CASZ1: variants seen among roughly 807,000 people sequenced by gnomAD.
CASZ1 encodes the protein zinc finger protein castor homolog 1.
A neutral mutation model predicts 135.2 loss-of-function variants in CASZ1; 28 were observed. The observed-to-expected ratio is 0.21, with a 90% CI of 0.15 to 0.28. The LOEUF is 0.28. Among genes scored for constraint, CASZ1 ranks in the 10% least tolerant of loss-of-function variants. The pLI, the probability that CASZ1 is intolerant of heterozygous loss-of-function variation, is 1.00. For synonymous variants in CASZ1, 1,068 were observed against 1,073.4 expected (o/e 0.99, Z 0.10); for missense variants, 2,161 against 2,453.3 (o/e 0.88, Z 2.52).
intron 2 of CASZ1, among the ~76,000 whole-genome samples, chr1:10,748,790 A>G (rs1454236416): frequency 1.2e-4 from 18 of 152,178 alleles, no homozygotes. Flanking sequence ...AGTGTCTCCA[A>G]TTCCCAGCCA....
At chr1:10,712,769 C>T (rs183946967) in intron 2 of CASZ1, among the ~76,000 whole-genome samples, 2 of 152,352 alleles carry the variant, frequency 1.3e-5, no homozygotes, top group East Asian at 1.9e-4. Context: ...CTGCCGTTCC[C>T]GGCACACACA....
intron 2 of CASZ1, among the ~76,000 whole-genome samples, chr1:10,731,948 T>C (rs1358746280): frequency 1.3e-5 from 2 of 152,224 alleles, no homozygotes; most frequent in East Asian, 1.9e-4. Context: ...GACTTATTGC[T>C]GTTATTTTTT....
chr1:10,776,643 C>G lies in CASZ1; in HGVS notation c.-233-15786G>C, dbSNP rs1640665965. On this transcript the variant is annotated intron_variant, in intron 1 of 20. Transcript: ENST00000377022. The surrounding 1 kb of genome is among the most constrained non-coding windows in gnomAD (Gnocchi z 4.1). ...TGGTACCAGCTAGGGGCGGGAGCTC[C>G]TGGGAGTCCTGGGGAAACTGGCATC... Among the ~76,000 whole-genome samples the G allele has an allele frequency of 6.6e-6, 1 of 152,186 alleles. No individual in the cohort carries two copies. The highest frequency in any genetic ancestry group is 1.5e-5 in the Non-Finnish European group (1 of 68,026).
At chr1:10,662,129 G>A (rs982873748) in intron 5 of CASZ1, among the ~76,000 whole-genome samples, 1 of 148,288 alleles carries the variant, frequency 6.7e-6, no homozygotes, top group Non-Finnish European at 1.5e-5. Context: ...ACGCACACAT[G>A]CATTCGCATA....
At chr1:10,745,043 C>A (rs1292384025) in intron 2 of CASZ1, among the ~76,000 whole-genome samples, 1 of 152,160 alleles carries the variant, frequency 6.6e-6, no homozygotes, top group Non-Finnish European at 1.5e-5. Flanking sequence ...GCAATCAAAG[C>A]CCAGTATGAC....
In CASZ1 at chr1:10,646,096, T is replaced by A. The variant is rs1642355600; in HGVS notation, c.3696+32A>T. The stretch of plus-strand genomic sequence containing the variant: ...AGCCCTGCACCTCCCTGCCCCCTAC[T>A]CTGCCCCTGCGCCGTGTACCGCCAT... On this transcript the variant is annotated intron_variant, in intron 17 of 20. Transcript: ENST00000377022. This position sits in a 1 kb window ranked among gnomAD's most constrained non-coding sequence, Gnocchi z 6.4. 1.8e-5 allele frequency: 29 copies of A among 1,609,276 alleles called. No homozygotes were observed. The highest frequency in any genetic ancestry group is 2.4e-5 in the Non-Finnish European group (28 of 1,176,504).
chr1:10,788,842 G>A lies in CASZ1; in HGVS notation c.-234+7722C>T, dbSNP rs954036301. ...CAGGGCTTCCTGCCCAGCCAGCAGA[G>A]GCATCGCACAGAGGAGCCCACCAGT... is the stretch of plus-strand genomic sequence containing the variant. On this transcript the variant is annotated intron_variant, in intron 1 of 20. Transcript: ENST00000377022. The surrounding 1 kb of genome is among the most constrained non-coding windows in gnomAD (Gnocchi z 4.1). Among the ~76,000 whole-genome samples, 1 of 152,206 alleles carries A rather than the reference G, an allele frequency of 6.6e-6. No individual in the cohort carries two copies. Among genetic ancestry groups the A allele is most frequent in the African/African-American group, 2.4e-5 (1 of 41,452 alleles).
intron 1 of CASZ1, among the ~76,000 whole-genome samples, chr1:10,780,646 G>A (rs1282777430): frequency 2.6e-5 from 4 of 152,194 alleles, no homozygotes; most frequent in African/African-American, 9.7e-5. Flanking sequence ...TCTCATGATA[G>A]TTAAGTTAGG....
chr1:10,740,293 C>T (rs1557543589), intron 2 of CASZ1, among the ~76,000 whole-genome samples: 1 of 152,222 alleles, frequency 6.6e-6, no homozygotes, highest in Admixed American at 6.5e-5. Flanking sequence ...CTTCAGGCCC[C>T]AGCTCTGCCC....
intron 2 of CASZ1, among the ~76,000 whole-genome samples, chr1:10,716,453 C>T (rs183850819): frequency 2.2e-4 from 33 of 152,350 alleles, no homozygotes; most frequent in East Asian, 1.5e-3. Context: ...TTGCTCACAT[C>T]AAAAGATTCA....
chr1:10,729,322 G>T (rs1639660654), intron 2 of CASZ1, among the ~76,000 whole-genome samples: 1 of 152,198 alleles, frequency 6.6e-6, no homozygotes, highest in Non-Finnish European at 1.5e-5. Context: ...TGTGGGCCAG[G>T]AGCATGCACA....
At chr1:10,771,657 T>TTCCTCCTCCTCCTCC (rs34581008) in intron 1 of CASZ1, among the ~76,000 whole-genome samples, 1 of 150,676 alleles carries the variant, frequency 6.6e-6, no homozygotes, top group African/African-American at 2.4e-5. Flanking sequence ...TTTCACCTCT[T>TTCCTCCTCCTCCTCC]TCCTCCTCCT....
chr1:10,762,186 T>A lies in CASZ1; in HGVS notation c.-233-1329A>T, dbSNP rs1640391239. ...GAGAGCTTCAGCATCAGCTCTGCCC[T>A]ACCTCGGCTGGGGCAATGCCACCGA... is the stretch of plus-strand genomic sequence containing the variant. On this transcript the variant is annotated intron_variant, in intron 1 of 20. Transcript: ENST00000377022. The surrounding 1 kb of genome is among the most constrained non-coding windows in gnomAD (Gnocchi z 4.1). Among the ~76,000 whole-genome samples the A allele has an allele frequency of 6.6e-6, 1 of 151,968 alleles. No homozygotes were observed. Among genetic ancestry groups the A allele is most frequent in the Non-Finnish European group, 1.5e-5 (1 of 67,966 alleles).
rs942544328 is a variant in CASZ1, at chr1:10,665,653, C to T, written c.17-82G>A. On this transcript the variant is annotated intron_variant, in intron 4 of 20. Transcript: ENST00000377022. ...ACCCTCCCGAACAGCCCTGCATCCC[C>T]CAAGCTGCAGGCCTCCCCCATTGAC... 9.9e-6 allele frequency: 14 copies of T among 1,411,978 alleles called. No individual in the cohort carries two copies. In the African/African-American group the frequency reaches 2.0e-4, roughly 20 times the overall value. 87.5% of individuals were successfully genotyped at this position (1,411,978 alleles called of 1,614,324 possible).
intron 1 of CASZ1, among the ~76,000 whole-genome samples, chr1:10,785,147 CCCTTCTTTCCTTCCTT>C (rs1640836553): frequency 2.8e-5 from 1 of 35,960 alleles, no homozygotes. Flanking sequence ...CTTCCTCCCT[CCCTTCTTTCCTTCCTT>C]CCTTCTTTTC....
At chr1:10,772,811 T>A (rs1337095299) in intron 1 of CASZ1, among the ~76,000 whole-genome samples, 1 of 152,156 alleles carries the variant, frequency 6.6e-6, no homozygotes, top group Admixed American at 6.5e-5. Context: ...ACTCTGAGCA[T>A]GAAGAGCTGT....
chr1:10,694,276 C>A lies in CASZ1; in HGVS notation c.-23-364G>T. ...CGAGACCGCGGCCCCCGGGCCTCCCCCGCCCGCGCCCGGTACTCACCATAG... is the reference window on the plus strand; with the variant it reads ...CGAGACCGCGGCCCCCGGGCCTCCCACGCCCGCGCCCGGTACTCACCATAG... On this transcript the variant is annotated intron_variant, in intron 3 of 20. Transcript: ENST00000377022. The surrounding 1 kb of genome is among the most constrained non-coding windows in gnomAD (Gnocchi z 6.6). The A allele has an allele frequency of 9.4e-7, 1 of 1,060,914 alleles. No homozygotes were observed. 65.7% of individuals were successfully genotyped at this position (1,060,914 alleles called of 1,614,324 possible).
chr1:10,660,004 G>A lies in CASZ1; in HGVS notation c.1038C>T (p.Tyr346=), dbSNP rs1379340892. ...PSKYDLENVK[Y]LHLFKPGEGS... Reference sequence around the variant, plus strand: ...CCTCCCCGGGTTTGAAGAGGTGCAGGTACTTGACATTCTCCAGGTCGTACT... The same window carrying A: ...CCTCCCCGGGTTTGAAGAGGTGCAGATACTTGACATTCTCCAGGTCGTACT... Residue 346 remains tyrosine (Y), a synonymous_variant, in exon 6 of 21, where the codon TAC becomes TAT. Transcript: ENST00000377022. 6.2e-7 allele frequency: 1 copy of A among 1,614,038 alleles called. No homozygotes were observed. The highest frequency in any genetic ancestry group is 8.5e-7 in the Non-Finnish European group (1 of 1,180,006).
chr1:10,794,695 C>T lies in CASZ1; in HGVS notation c.-234+1869G>A, dbSNP rs1390606900. On this transcript the variant is annotated intron_variant, in intron 1 of 20. Transcript: ENST00000377022. The surrounding 1 kb of genome is among the most constrained non-coding windows in gnomAD (Gnocchi z 5.6). The stretch of plus-strand genomic sequence containing the variant: ...GCCTCCCCCAACTCCGGACCCGGGT[C>T]GGGGATGACTTGGAAGAAGAATCTG... Among the ~76,000 whole-genome samples, 1 of 152,190 alleles carries T rather than the reference C, an allele frequency of 6.6e-6. No individual in the cohort carries two copies. The highest frequency in any genetic ancestry group is 1.5e-5 in the Non-Finnish European group (1 of 68,032).
Sources: gnomAD v4.1 joint callset for allele counts (sites outside exome capture counted in the v4.1 genomes callset) on GRCh38, gnomAD v4.1.1 for gene constraint, Gnocchi (gnomAD v3.1) non-coding constraint, MANE v1.5 for transcripts, NCBI Gene and HGNC (gene_info 2026-07-23, HGNC 2026-07-21) for gene names.